The following MROH7 variants were observed in gnomAD, a reference collection of about 807,000 sequenced individuals.
MROH7 encodes the protein maestro heat-like repeat-containing protein family member 7.
In MROH7, 113 loss-of-function variants were observed where a neutral mutation model predicts 129.2. The ratio of observed to expected loss-of-function variants is 0.87; its 90% CI spans 0.75 to 1.02. The LOEUF is 1.02. Among genes scored for constraint, MROH7 ranks in the 50% least tolerant of loss-of-function variants. MROH7 has a pLI of 0.00. For synonymous variants in MROH7, 655 were observed against 667.9 expected, an observed-to-expected ratio of 0.98 and a Z score of 0.30; for missense variants, 1,601 against 1,671.3, an observed-to-expected ratio of 0.96 and a Z score of 0.73.
intron 2 of MROH7, among the ~76,000 whole-genome samples, chr1:54,652,301 G>T (rs1267933645): frequency 1.3e-5 from 2 of 152,114 alleles, no homozygotes; most frequent in African/African-American, 4.8e-5. Context: ...GGTGCACTTA[G>T]GTTACCCTGT....
chr1:54,680,584 G>A (rs1569935636), intron 13 of MROH7, among the ~76,000 whole-genome samples: 1 of 152,214 alleles, frequency 6.6e-6, no homozygotes, highest in Admixed American at 6.5e-5. Context: ...GGGCCCGTGC[G>A]GAAGGGTGCT....
chr1:54,646,820 T>C (rs1231948797), intron 1 of MROH7, among the ~76,000 whole-genome samples: 2 of 152,218 alleles, frequency 1.3e-5, no homozygotes, highest in Admixed American at 1.3e-4. Context: ...TGGCAACCTC[T>C]CTCTGTCCTG....
rs749642042 is a variant in MROH7 at position 54,652,795 on chromosome 1, C to A, written c.-74-58C>A. On this transcript the variant is annotated intron_variant, in intron 2 of 23. Coordinates refer to ENST00000421030, the MANE Select transcript of MROH7 (RefSeq NM_001039464.4). ...GCTTTCATCTTAAGAATAGTGGGAG[C>A]CCTGGAAAAGCCTTAACAGGTGTGG... 475 of 1,233,388 alleles carry A rather than the reference C, an allele frequency of 3.9e-4. 1 individual carries two copies. Among genetic ancestry groups the A allele is most frequent in the Non-Finnish European group, 5.2e-4 (463 of 888,416 alleles). 76.4% of individuals were successfully genotyped at this position (1,233,388 alleles called of 1,614,324 possible). A position where few individuals can be genotyped will look rare whatever the true frequency, so the allele number is the denominator to read the frequency against.
At chr1:54,695,832 C>T in intron 17 of MROH7, 1 of 362,116 alleles carries the variant, frequency 2.8e-6, no homozygotes, top group South Asian at 2.2e-5. Context: ...GAGGACACCC[C>T]AGTTATAACA....
At chr1:54,649,732 T>C (rs1440900803) in intron 1 of MROH7, among the ~76,000 whole-genome samples, 1 of 152,222 alleles carries the variant, frequency 6.6e-6, no homozygotes, top group Non-Finnish European at 1.5e-5. Context: ...TTGGTGACTA[T>C]GGTCCTGTGT....
chr1:54,685,613 T>C (rs1645135918), intron 14 of MROH7, among the ~76,000 whole-genome samples: 1 of 152,102 alleles, frequency 6.6e-6, no homozygotes. Context: ...GGTCCAGAGC[T>C]GGATTGGCAG....
intron 4 of MROH7, among the ~76,000 whole-genome samples, chr1:54,667,447 C>T (rs1468782772): frequency 6.8e-6 from 1 of 146,930 alleles, no homozygotes. Context: ...ATCGTGAGAC[C>T]CAGTGTTTAC....
intron 10 of MROH7, among the ~76,000 whole-genome samples, chr1:54,676,450 C>A (rs1040567728): frequency 6.6e-6 from 1 of 151,810 alleles, no homozygotes; most frequent in Non-Finnish European, 1.5e-5. Flanking sequence ...AGCTCTGTTG[C>A]CCAGGCTGGA....
intron 2 of MROH7, among the ~76,000 whole-genome samples, chr1:54,652,247 T>C (rs967049179): frequency 6.6e-6 from 1 of 152,206 alleles, no homozygotes; most frequent in Non-Finnish European, 1.5e-5. Context: ...AGTTTGTCTC[T>C]GGTTTGGAGC....
rs1645149913 is a variant in MROH7 at position 54,686,458 on chromosome 1, GC to G, written c.2711+13del. 1 of 1,612,418 alleles carries G rather than the reference GC, an allele frequency of 6.2e-7. No homozygotes were observed. The highest frequency in any genetic ancestry group is 1.3e-5 in the African/African-American group (1 of 74,894). ...CCTTCGTACCTGTGCGGTATGCTCT[GC>G]CCTCTCTCTTGACCCTGCTGTCCCC... On this transcript the variant is annotated intron_variant, in intron 15 of 23. Transcript: ENST00000421030.
chr1:54,701,419 T>C, intron 19 of MROH7, 97 bp downstream of exon 19: 1 of 1,079,154 alleles, frequency 9.3e-7, no homozygotes, highest in Non-Finnish European at 1.3e-6. Flanking sequence ...CATCAGGACC[T>C]GGGCAGTGTT....
At chr1:54,663,360 C>T (rs1370753480) in intron 3 of MROH7, among the ~76,000 whole-genome samples, 3 of 152,050 alleles carry the variant, frequency 2.0e-5, no homozygotes, top group South Asian at 2.1e-4. Flanking sequence ...ACCAACATGG[C>T]GAGAGCCCCG....
intron 6 of MROH7, 98 bp downstream of exon 6, chr1:54,670,674 C>T (rs1208867067): frequency 1.5e-6 from 2 of 1,313,966 alleles, no homozygotes; most frequent in Non-Finnish European, 1.1e-6. Flanking sequence ...CCAACCCGCC[C>T]CCACCCCTCG....
intron 1 of MROH7, 163 bp from the exon 2 acceptor site, chr1:54,651,786 T>TGCTCTCTCTC (rs1211692025): frequency 4.6e-5 from 2 of 43,058 alleles, no homozygotes; most frequent in Non-Finnish European, 1.2e-4. Context: ...ATATTAAACT[T>TGCTCTCTCTC]ACTCTCTCTC....
At position 54,697,041 on chromosome 1, in the gene MROH7, TTGTC is replaced by T. The variant is rs371571073; in HGVS notation, c.2964+1555_2964+1558del. 5.4e-4 allele frequency among the ~76,000 whole-genome samples: 82 copies of T among 152,330 alleles called. 2 individuals are homozygous for T. The East Asian group carries it at 0.016, about 29-fold the overall frequency. ...TACATACCACATTTTCTTTATCCAT[TTGTC>T]TGTTGGCTGACATCGTAAAACCCAC... On this transcript the variant is annotated intron_variant, in intron 17 of 23. Coordinates refer to ENST00000421030, the MANE Select transcript of MROH7 (RefSeq NM_001039464.4).
rs1438860862 is a variant in MROH7, at chr1:54,702,667, G to C, written c.3486G>C (p.Trp1162Cys). The part of the protein sequence containing the change: ...TLLRCSYFMA[W>C]ELPKRAYSRK... ...TACGCTGTTCTTACTTCATGGCTTG[G>C]GAGTTGCCAAAAAGAGCTTATAGCC... Residue 1162 changes from tryptophan (W) to cysteine (C), a missense_variant, in exon 21 of 24, where the codon TGG becomes TGC. By Grantham distance (215) the Trp-to-Cys change is radical (BLOSUM62 -2). Transcript: ENST00000421030. The C allele has an allele frequency of 1.9e-6, 3 of 1,613,798 alleles. No homozygotes were observed. The highest frequency in any genetic ancestry group is 3.3e-5 in the Admixed American group (2 of 59,970).
At chr1:54,700,054 G>A (rs375598250) in intron 17 of MROH7, 26 of 663,392 alleles carry the variant, frequency 3.9e-5, no homozygotes, top group African/African-American at 7.1e-5. Flanking sequence ...GGGTGGGCAC[G>A]CTGCTGTTAA....
intron 8 of MROH7, 125 bp downstream of exon 8, chr1:54,673,311 T>A: frequency 1.4e-6 from 1 of 698,608 alleles, no homozygotes. Context: ...CTTGTGTGAG[T>A]GTTCTGCCTC....
chr1:54,697,846 A>G (rs112706984), intron 17 of MROH7: 2 of 545,968 alleles, frequency 3.7e-6, no homozygotes, highest in Non-Finnish European at 6.6e-6. Flanking sequence ...GCAGGAGAGG[A>G]GGGAGGGTGG....
Sources: allele counts gnomAD v4.1 joint callset (sites outside exome capture counted in the v4.1 genomes callset), GRCh38; gene constraint gnomAD v4.1.1; transcripts MANE v1.5; gene names NCBI Gene and HGNC (gene_info 2026-07-23, HGNC 2026-07-21).